The following PCDH9 variants were observed in gnomAD, a reference collection of about 807,000 sequenced individuals.
PCDH9 encodes the protein protocadherin-9.
PCDH9 carries 24 observed loss-of-function variants against 70.6 expected under a neutral mutation model. That is an observed-to-expected ratio of 0.34 (90% confidence interval 0.25 to 0.48). The LOEUF (loss-of-function observed/expected upper bound fraction) is 0.48, where lower values mean the gene tolerates loss of function less well. Ranked by LOEUF, PCDH9 falls within the 20% of genes least tolerant of loss-of-function variation. PCDH9 has a pLI of 0.99. For missense variants in PCDH9, 1,281 were observed against 1,503.6 expected (o/e 0.85, Z 2.45); for synonymous variants, 562 against 558.5 (o/e 1.01, Z -0.09).
chr13:66,827,376 A>AG (rs2080843766), intron 3 of PCDH9, among the ~76,000 whole-genome samples: 2 of 150,686 alleles, frequency 1.3e-5, no homozygotes, highest in Non-Finnish European at 3.0e-5. Context: ...AAAAAAAAAG[A>AG]AAAAAAAGAG....
intron 4 of PCDH9, among the ~76,000 whole-genome samples, chr13:66,514,693 A>G (rs1000242737): frequency 6.6e-6 from 1 of 152,088 alleles, no homozygotes; most frequent in African/African-American, 2.4e-5. Flanking sequence ...TGTCTTATTT[A>G]GTAAGCATTC....
chr13:66,721,360 T>C (rs1412142466), intron 3 of PCDH9, among the ~76,000 whole-genome samples: 2 of 152,200 alleles, frequency 1.3e-5, no homozygotes, highest in Admixed American at 6.5e-5. Flanking sequence ...GACTTCATAA[T>C]GTACATTGGC....
intron 2 of PCDH9, among the ~76,000 whole-genome samples, chr13:66,929,577 G>A (rs2082773462): frequency 6.6e-6 from 1 of 152,050 alleles, no homozygotes; most frequent in African/African-American, 2.4e-5. Flanking sequence ...ACCTGCCTCC[G>A]CCTCCCAAAG....
At chr13:66,326,487 C>T (rs890526826) in intron 4 of PCDH9, among the ~76,000 whole-genome samples, 6 of 151,984 alleles carry the variant, frequency 3.9e-5, no homozygotes, top group African/African-American at 1.5e-4. Context: ...GGCGCGATCT[C>T]GGCTCACTGC....
At chr13:66,784,235 T>C (rs1191322218) in intron 3 of PCDH9, among the ~76,000 whole-genome samples, 1 of 152,122 alleles carries the variant, frequency 6.6e-6, no homozygotes, top group Non-Finnish European at 1.5e-5. Context: ...TATTTAGGTA[T>C]TACCAGATGC....
chr13:66,703,122 A>G, intron 3 of PCDH9, among the ~76,000 whole-genome samples: 1 of 152,236 alleles, frequency 6.6e-6, no homozygotes, highest in African/African-American at 2.4e-5. Flanking sequence ...TGGCTACTGA[A>G]AAGTTTTAAA....
In PCDH9 at chr13:66,396,752, A is replaced by G. The variant is rs192852670; in HGVS notation, c.3341-91724T>C. ...CTTATTCATATGATGGTTGTAAGTA[A>G]TAAATACAAGAATGTATATGAAAAT... On this transcript the variant is annotated intron_variant, in intron 4 of 4. Transcript: ENST00000377865. 7.2e-5 allele frequency among the ~76,000 whole-genome samples: 11 copies of G among 152,340 alleles called. No individual in the cohort carries two copies. The East Asian group carries it at 1.7e-3, about 24-fold the overall frequency.
intron 4 of PCDH9, among the ~76,000 whole-genome samples, chr13:66,334,426 G>T (rs1955998211): frequency 6.6e-6 from 1 of 152,054 alleles, no homozygotes. Context: ...TAATGTGTGT[G>T]TTGGTCTTCA....
At chr13:66,999,672 G>A (rs1394562766) in intron 2 of PCDH9, among the ~76,000 whole-genome samples, 2 of 151,730 alleles carry the variant, frequency 1.3e-5, no homozygotes, top group Non-Finnish European at 2.9e-5. Context: ...AGTGGGTGAA[G>A]GACATGAACA....
intron 2 of PCDH9, among the ~76,000 whole-genome samples, chr13:67,072,668 G>C (rs1363173436): frequency 6.6e-6 from 1 of 151,946 alleles, no homozygotes; most frequent in Non-Finnish European, 1.5e-5. Context: ...TGACAGTGGA[G>C]GGTGAAGTTC....
intron 2 of PCDH9, among the ~76,000 whole-genome samples, chr13:66,950,451 T>TTGGGAAAC (rs1476606134): frequency 1.3e-5 from 2 of 152,072 alleles, no homozygotes; most frequent in Non-Finnish European, 2.9e-5. Flanking sequence ...ATATCAAGGA[T>TTGGGAAAC]TGGGAAACAT....
chr13:66,695,265 T>C (rs199934619), intron 3 of PCDH9, among the ~76,000 whole-genome samples: 2 of 152,188 alleles, frequency 1.3e-5, no homozygotes, highest in East Asian at 3.9e-4. Flanking sequence ...AGTCAAAATA[T>C]GTTGGCTGTA....
In PCDH9 at chr13:67,226,077, G is replaced by C; in HGVS notation, c.2364C>G (p.Ile788Met). Residue 788 changes from isoleucine (I) to methionine (M), a missense_variant, in exon 2 of 5, where the codon ATC (isoleucine) becomes ATG (methionine). Ile to Met is a conservative substitution (Grantham distance 10). This residue lies in a region of PCDH9 where 798 missense variants were observed against 1,003.1 expected (regional missense o/e 0.80). Coordinates refer to ENST00000377865, the MANE Select transcript of PCDH9 (RefSeq NM_203487.3). This position sits in a 1 kb window ranked among gnomAD's most constrained non-coding sequence, Gnocchi z 5.0. ...AGNASYIYDL[I>M]RRTMETPLDR... The stretch of plus-strand genomic sequence containing the variant: ...CCAACGGGGTCTCCATAGTCCTGCG[G>C]ATCAAGTCATAGATATAGGAGGCAT... The C allele has an allele frequency of 1.2e-6, 2 of 1,614,064 alleles. No homozygotes were observed. The highest frequency in any genetic ancestry group is 1.7e-6 in the Non-Finnish European group (2 of 1,179,960).
intron 4 of PCDH9, among the ~76,000 whole-genome samples, chr13:66,351,343 G>A (rs552222703): frequency 5.9e-5 from 9 of 152,024 alleles, no homozygotes; most frequent in Non-Finnish European, 1.3e-4. Flanking sequence ...CTTTCATGCC[G>A]GAAGTCTCCT....
At chr13:66,536,343 C>A (rs1294743007) in intron 4 of PCDH9, among the ~76,000 whole-genome samples, 1 of 152,018 alleles carries the variant, frequency 6.6e-6, no homozygotes, top group African/African-American at 2.4e-5. Flanking sequence ...ACAGCAACAA[C>A]AAAAACAATC....
chr13:67,033,504 T>C (rs1339516560), intron 2 of PCDH9, among the ~76,000 whole-genome samples: 1 of 152,158 alleles, frequency 6.6e-6, no homozygotes, highest in Non-Finnish European at 1.5e-5. Context: ...AGCAAATAGA[T>C]GTTGGGGTTG....
chr13:66,329,959 C>T (rs1230137692), intron 4 of PCDH9, among the ~76,000 whole-genome samples: 5 of 152,114 alleles, frequency 3.3e-5, no homozygotes, highest in African/African-American at 7.2e-5. Flanking sequence ...CAATAAAAAA[C>T]ATCTGGTAGC....
At chr13:66,386,921 G>T (rs1034380631) in intron 4 of PCDH9, among the ~76,000 whole-genome samples, 2 of 152,052 alleles carry the variant, frequency 1.3e-5, no homozygotes, top group Non-Finnish European at 2.9e-5. Flanking sequence ...AGTTATACTT[G>T]TATTTTAAAA....
intron 4 of PCDH9, among the ~76,000 whole-genome samples, chr13:66,614,277 GT>G (rs1255805200): frequency 6.6e-6 from 1 of 152,218 alleles, no homozygotes; most frequent in East Asian, 1.9e-4. Context: ...CAAGTAAGTG[GT>G]GGAAGAATTG....
Sources: gnomAD v4.1 joint callset for allele counts (sites outside exome capture counted in the v4.1 genomes callset) on GRCh38, gnomAD v4.1.1 for gene constraint, gnomAD v4.1.1 regional missense constraint, Gnocchi (gnomAD v3.1) non-coding constraint, MANE v1.5 for transcripts, NCBI Gene and HGNC (gene_info 2026-07-23, HGNC 2026-07-21) for gene names.